The following SDK1 variants were observed in gnomAD, a reference collection of about 807,000 sequenced individuals.
The protein encoded by SDK1 is sidekick cell adhesion molecule 1.
In SDK1, 157 loss-of-function variants were observed where a neutral mutation model predicts 245.5. The observed-to-expected ratio is 0.64, with a 90% CI of 0.56 to 0.73. SDK1 has a LOEUF of 0.73. Among genes scored for constraint, SDK1 ranks in the 30% least tolerant of loss-of-function variants. The pLI, the probability that SDK1 is intolerant of heterozygous loss-of-function variation, is 0.00. For missense variants in SDK1, 3,583 were observed against 3,002.3 expected (o/e 1.19, Z -4.52); for synonymous variants, 1,647 against 1,278.5 (o/e 1.29, Z -6.15).
intron 5 of SDK1, among the ~76,000 whole-genome samples, chr7:3,826,750 C>T (rs1010134052): frequency 6.6e-6 from 1 of 152,336 alleles, no homozygotes; most frequent in Non-Finnish European, 1.5e-5. Context: ...CTGGGGCCAC[C>T]TGACCAACAG....
intron 8 of SDK1, among the ~76,000 whole-genome samples, chr7:3,961,591 A>G (rs1215001317): frequency 6.6e-6 from 1 of 152,224 alleles, no homozygotes; most frequent in Non-Finnish European, 1.5e-5. Context: ...CTTTTCCTGT[A>G]TCCACAATGG....
At chr7:3,964,151 G>A (rs1458451503) in intron 9 of SDK1, among the ~76,000 whole-genome samples, 4 of 152,240 alleles carry the variant, frequency 2.6e-5, no homozygotes, top group African/African-American at 4.8e-5. Context: ...GGTAGTATCT[G>A]TTCAGCCCCC....
At chr7:3,884,951 A>G (rs1374643016) in intron 5 of SDK1, among the ~76,000 whole-genome samples, 1 of 152,224 alleles carries the variant, frequency 6.6e-6, no homozygotes, top group East Asian at 1.9e-4. Context: ...CTGTCACTCC[A>G]GAGCGGTGCT....
At chr7:3,961,075 A>T (rs979076930) in intron 8 of SDK1, among the ~76,000 whole-genome samples, 1 of 152,244 alleles carries the variant, frequency 6.6e-6, no homozygotes, top group Non-Finnish European at 1.5e-5. Flanking sequence ...CGACTTCTGC[A>T]GGGTAAACTG....
At chr7:3,653,349 T>G (rs1178709643) in intron 4 of SDK1, among the ~76,000 whole-genome samples, 3 of 152,164 alleles carry the variant, frequency 2.0e-5, no homozygotes, top group African/African-American at 7.2e-5. Flanking sequence ...CGGTTGTCAC[T>G]TGGGGTATTT....
chr7:3,973,245 A>AC (rs1782632095), intron 12 of SDK1, among the ~76,000 whole-genome samples: 1 of 152,198 alleles, frequency 6.6e-6, no homozygotes, highest in Non-Finnish European at 1.5e-5. Flanking sequence ...TTGTGGAATC[A>AC]GCCCTGTTCT....
intron 1 of SDK1, among the ~76,000 whole-genome samples, chr7:3,595,788 A>C (rs57473088): frequency 0.12 from 15,210 of 126,796 alleles, 1,376 homozygotes; most frequent in East Asian, 0.38. Context: ...AGATAGTGCC[A>C]CTGCACTCCA....
intron 44 of SDK1, among the ~76,000 whole-genome samples, chr7:4,253,642 A>G (rs1787450567): frequency 6.6e-6 from 1 of 152,158 alleles, no homozygotes; most frequent in Admixed American, 6.5e-5. Context: ...ATGTGTCTGT[A>G]GGTCTAGCTG....
At chr7:3,331,080 A>G (rs901476443) in intron 1 of SDK1, among the ~76,000 whole-genome samples, 18 of 152,164 alleles carry the variant, frequency 1.2e-4, no homozygotes, top group African/African-American at 4.3e-4. Context: ...TCTGGCCAAC[A>G]TGGTGAAACC....
intron 25 of SDK1, among the ~76,000 whole-genome samples, chr7:4,122,043 GTC>G (rs1562841729): frequency 6.6e-6 from 1 of 152,118 alleles, no homozygotes; most frequent in Admixed American, 6.5e-5. Flanking sequence ...TCTTAGACCA[GTC>G]TCTCTTCTGG....
intron 1 of SDK1, among the ~76,000 whole-genome samples, chr7:3,452,038 A>T (rs1269391559): frequency 3.9e-5 from 6 of 152,228 alleles, no homozygotes; most frequent in Non-Finnish European, 8.8e-5. Flanking sequence ...TATTTTAAAA[A>T]CAGAGATAGA....
intron 19 of SDK1, among the ~76,000 whole-genome samples, chr7:4,058,508 A>G (rs970104303): frequency 6.6e-6 from 1 of 152,208 alleles, no homozygotes; most frequent in Non-Finnish European, 1.5e-5. Flanking sequence ...GAGATCCACA[A>G]ATAAATAGAT....
intron 1 of SDK1, among the ~76,000 whole-genome samples, chr7:3,539,834 G>C (rs867831638): frequency 2.0e-5 from 3 of 152,304 alleles, no homozygotes; most frequent in Middle Eastern, 3.4e-3. Context: ...GCCCATTCTA[G>C]GATGATAAAT....
chr7:3,788,758 G>T (rs371433624), intron 4 of SDK1, among the ~76,000 whole-genome samples: 29 of 152,332 alleles, frequency 1.9e-4, no homozygotes, highest in African/African-American at 6.7e-4. Context: ...CTTGCTTTAA[G>T]TCATTTGTGT....
At position 3,919,745 on chromosome 7, in the gene SDK1, G is replaced by A. The variant is rs537015960; in HGVS notation, c.848-31178G>A. Among the ~76,000 whole-genome samples, 3 of 152,278 alleles carry A rather than the reference G, an allele frequency of 2.0e-5. No individual in the cohort carries two copies. In the South Asian group the frequency reaches 6.2e-4, roughly 32 times the overall value. ...TTAGCTTGAAAGAACGTATGGTTTT[G>A]TTGGGAACTGTAAGGTGTAATTAAT... On this transcript the variant is annotated intron_variant, in intron 5 of 44. Transcript: ENST00000404826.
chr7:4,181,445 C>T (rs954429966), intron 35 of SDK1, among the ~76,000 whole-genome samples: 5 of 152,182 alleles, frequency 3.3e-5, no homozygotes, highest in African/African-American at 1.2e-4. Context: ...GCTGAGACAG[C>T]CCAGGTGTGG....
At chr7:3,556,429 A>G (rs1006869523) in intron 1 of SDK1, among the ~76,000 whole-genome samples, 2 of 152,162 alleles carry the variant, frequency 1.3e-5, no homozygotes, top group Non-Finnish European at 2.9e-5. Context: ...TGCAGCAAGT[A>G]GGGATGGTTA....
At chr7:4,032,993 G>C (rs543660579) in intron 17 of SDK1, among the ~76,000 whole-genome samples, 4 of 150,264 alleles carry the variant, frequency 2.7e-5, no homozygotes, top group South Asian at 2.1e-4. Flanking sequence ...AAAAATAAAT[G>C]AGCAAAAATA....
chr7:3,605,527 G>C (rs1014972294), intron 1 of SDK1, among the ~76,000 whole-genome samples: 1 of 152,120 alleles, frequency 6.6e-6, no homozygotes, highest in African/African-American at 2.4e-5. Flanking sequence ...ACAGCTTGAT[G>C]GTTTAAAATG....
Sources: gnomAD v4.1 joint callset for allele counts (sites outside exome capture counted in the v4.1 genomes callset) on GRCh38, gnomAD v4.1.1 for gene constraint, MANE v1.5 for transcripts, NCBI Gene and HGNC (gene_info 2026-07-23, HGNC 2026-07-21) for gene names.